SPMIP11: variants seen among roughly 807,000 people sequenced by gnomAD.
The protein encoded by SPMIP11 is sperm microtubule inner protein 11.
the SPMIP11 span, among the ~76,000 whole-genome samples, chr12:48,733,072 CTTT>C: frequency 9.0e-6 from 1 of 110,854 alleles, no homozygotes. Context: ...ACAAGTTAAT[CTTT>C]TTTTTTTTTT....
the SPMIP11 span, among the ~76,000 whole-genome samples, chr12:48,769,857 G>C: frequency 6.6e-6 from 1 of 151,358 alleles, no homozygotes; most frequent in African/African-American, 2.4e-5. Context: ...CGCCTCCCGG[G>C]TTCACACCAT....
the SPMIP11 span, among the ~76,000 whole-genome samples, chr12:48,757,122 G>A: frequency 6.6e-6 from 1 of 152,036 alleles, no homozygotes; most frequent in African/African-American, 2.4e-5. Context: ...GAGGAGATAG[G>A]GAAAGGGGCC....
chr12:48,733,045 A>G, the SPMIP11 span, among the ~76,000 whole-genome samples: 2 of 136,750 alleles, frequency 1.5e-5, no homozygotes, highest in Non-Finnish European at 3.2e-5. Context: ...AGTTCAGTGT[A>G]TGTCTTCTCT....
At chr12:48,770,995 T>G in the SPMIP11 span, 4 of 1,607,882 alleles carry the variant, frequency 2.5e-6, no homozygotes, top group African/African-American at 5.3e-5. Flanking sequence ...GAGACCTGGC[T>G]GTCAAGGCAA....
At chr12:48,748,497 GA>G in the SPMIP11 span, among the ~76,000 whole-genome samples, 2,044 of 128,914 alleles carry the variant, frequency 0.016, 26 homozygotes, top group African/African-American at 0.034. Context: ...TCACGGTCTA[GA>G]AAAAAAAAAA....
chr12:48,733,762 T>C, the SPMIP11 span, among the ~76,000 whole-genome samples: 16 of 132,144 alleles, frequency 1.2e-4, no homozygotes, highest in Non-Finnish European at 2.4e-4. Context: ...TAAATGCAGA[T>C]TCTTTTTTTT....
chr12:48,769,257 C>G, the SPMIP11 span, among the ~76,000 whole-genome samples: 1 of 151,524 alleles, frequency 6.6e-6, no homozygotes, highest in Non-Finnish European at 1.5e-5. Context: ...AAAAAAAATA[C>G]AAAAATTAGC....
At chr12:48,753,611 T>C in the SPMIP11 span, among the ~76,000 whole-genome samples, 182 of 151,986 alleles carry the variant, frequency 1.2e-3, no homozygotes, top group Non-Finnish European at 9.3e-4. Flanking sequence ...GTGAACTACC[T>C]GTTAGGAGAC....
chr12:48,738,618 T>TC, the SPMIP11 span, among the ~76,000 whole-genome samples: 51 of 151,486 alleles, frequency 3.4e-4, no homozygotes, highest in Non-Finnish European at 5.6e-4. Context: ...CACTGCAAGC[T>TC]CCGCCTCCGG....
At chr12:48,732,621 T>G in the SPMIP11 span, among the ~76,000 whole-genome samples, 3 of 151,374 alleles carry the variant, frequency 2.0e-5, no homozygotes, top group Admixed American at 2.0e-4. Context: ...AATACAAAAA[T>G]TAGCTGGGTG....
chr12:48,770,927 G>T, the SPMIP11 span: 1 of 1,614,166 alleles, frequency 6.2e-7, no homozygotes, highest in Non-Finnish European at 8.5e-7. Flanking sequence ...GCTACCAATC[G>T]TCTTGATCTT....
chr12:48,753,018 G>A, the SPMIP11 span, among the ~76,000 whole-genome samples: 6 of 152,044 alleles, frequency 3.9e-5, no homozygotes, highest in Admixed American at 3.9e-4. Flanking sequence ...CTTGGTCCAG[G>A]AGGGCCCTGT....
the SPMIP11 span, among the ~76,000 whole-genome samples, chr12:48,757,925 T>C: frequency 3.4e-5 from 5 of 148,780 alleles, no homozygotes; most frequent in East Asian, 8.1e-4. Context: ...ACCCGGCAGA[T>C]AGATGTTGCA....
At chr12:48,752,470 G>C in the SPMIP11 span, among the ~76,000 whole-genome samples, 1 of 152,018 alleles carries the variant, frequency 6.6e-6, no homozygotes, top group Non-Finnish European at 1.5e-5. Flanking sequence ...TCCCTCCCAG[G>C]CTCACCATTC....
At chr12:48,766,301 A>AC in the SPMIP11 span, 1 of 152,686 alleles carries the variant, frequency 6.5e-6, no homozygotes, top group Non-Finnish European at 1.5e-5. Flanking sequence ...TTATAAAACC[A>AC]AAGCCCACGG....
the SPMIP11 span, among the ~76,000 whole-genome samples, chr12:48,764,176 A>T: frequency 6.8e-6 from 1 of 147,838 alleles, no homozygotes; most frequent in Non-Finnish European, 1.5e-5. Context: ...TTTAGTAGAG[A>T]CGGGGTTTCT....
the SPMIP11 span, among the ~76,000 whole-genome samples, chr12:48,747,041 G>A: frequency 1.3e-5 from 2 of 152,170 alleles, no homozygotes; most frequent in Non-Finnish European, 2.9e-5. Context: ...TACCCAGCTT[G>A]CTTTACTCAT....
the SPMIP11 span, chr12:48,759,406 A>G: frequency 1.5e-6 from 1 of 684,024 alleles, no homozygotes. Flanking sequence ...GGCTGGGATG[A>G]GGCCGGGCTT....
chr12:48,733,011 CAA>C, the SPMIP11 span, among the ~76,000 whole-genome samples: 6 of 147,878 alleles, frequency 4.1e-5, no homozygotes, highest in East Asian at 1.2e-3. Flanking sequence ...GCAACAAGAG[CAA>C]AACTCCATCT....
Sources: allele counts gnomAD v4.1 joint callset (sites outside exome capture counted in the v4.1 genomes callset), GRCh38; gene constraint gnomAD v4.1.1; transcripts MANE v1.5; gene names NCBI Gene and HGNC (gene_info 2026-07-23, HGNC 2026-07-21).